The following WDFY4 variants were observed in gnomAD, a reference collection of about 807,000 sequenced individuals.
The protein encoded by WDFY4 is WDFY family member 4.
A neutral mutation model predicts 351.9 loss-of-function variants in WDFY4; 169 were observed. The observed-to-expected ratio is 0.48, with a 90% CI of 0.42 to 0.55. The LOEUF is 0.55. WDFY4 is among the 20% of genes least tolerant of loss of function. The pLI is 0.00. For synonymous variants in WDFY4, 1,622 were observed against 1,574.6 expected (o/e 1.03, Z -0.71); for missense variants, 3,803 against 3,935.6 (o/e 0.97, Z 0.90).
chr10:48,901,608 G>GTGTGTAA (rs1370241928), intron 46 of WDFY4, among the ~76,000 whole-genome samples, 193 bp from the exon 47 acceptor site: 1 of 152,242 alleles, frequency 6.6e-6, no homozygotes, highest in Non-Finnish European at 1.5e-5. Flanking sequence ...TAAGGCAATA[G>GTGTGTAA]TGTGTAATGC....
rs1840881523 is a variant in WDFY4 at position 48,943,392 on chromosome 10, C to T, written c.7692C>T (p.Cys2564=). The change falls in exon 49 of 62, where the codon TGC becomes TGT. Residue 2564 remains cysteine (C), a synonymous_variant. Coordinates refer to ENST00000325239, the MANE Select transcript of WDFY4 (RefSeq NM_001394531.1). Reference sequence around the variant, plus strand: ...TCAACACCGCGGCTGGGAGAACCTGCAATGACTACATGCAGTACCCAGTGT... The same window carrying T: ...TCAACACCGCGGCTGGGAGAACCTGTAATGACTACATGCAGTACCCAGTGT... ...MYLNTAAGRT[C]NDYMQYPVFP... The T allele has an allele frequency of 6.4e-7, 1 of 1,551,736 alleles. No homozygotes were observed. The highest frequency in any genetic ancestry group is 1.4e-5 in the African/African-American group (1 of 73,044).
At chr10:48,901,891 G>A in intron 47 of WDFY4, 28 bp downstream of exon 47, 1 of 1,544,718 alleles carries the variant, frequency 6.5e-7, no homozygotes, top group Non-Finnish European at 8.8e-7. Flanking sequence ...TGCTGTCTGG[G>A]CATGGCACTG....
At chr10:48,730,889 C>T (rs2064437203) in intron 8 of WDFY4, among the ~76,000 whole-genome samples, 2 of 152,196 alleles carry the variant, frequency 1.3e-5, no homozygotes, top group South Asian at 4.1e-4. Context: ...TGGCACATGT[C>T]AGTTCAGAGT....
At chr10:48,745,122 T>C (rs1434236691) in intron 12 of WDFY4, among the ~76,000 whole-genome samples, 1 of 152,234 alleles carries the variant, frequency 6.6e-6, no homozygotes, top group Admixed American at 6.5e-5. Context: ...CTCTGTAATT[T>C]GTAAGTTTTA....
At chr10:48,819,407 C>G (rs1432348015) in intron 32 of WDFY4, among the ~76,000 whole-genome samples, 1 of 152,232 alleles carries the variant, frequency 6.6e-6, no homozygotes, top group Non-Finnish European at 1.5e-5. Context: ...AATGCAGTCA[C>G]TACCTCCCTA....
intron 1 of WDFY4, 83 bp from the exon 2 acceptor site, chr10:48,709,629 CTGAG>C: frequency 8.6e-7 from 1 of 1,160,094 alleles, no homozygotes; most frequent in Non-Finnish European, 1.2e-6. Flanking sequence ...AGAAACTGGG[CTGAG>C]TGAGTACAGT....
At chr10:48,716,420 A>T (rs1425038029) in intron 2 of WDFY4, among the ~76,000 whole-genome samples, 1 of 152,176 alleles carries the variant, frequency 6.6e-6, no homozygotes, top group Non-Finnish European at 1.5e-5. Context: ...AGCTTAGATA[A>T]TGTTAGCAAA....
intron 28 of WDFY4, among the ~76,000 whole-genome samples, chr10:48,808,603 C>T (rs1407323221): frequency 6.6e-6 from 1 of 152,230 alleles, no homozygotes; most frequent in African/African-American, 2.4e-5. Context: ...GATCCTTGCT[C>T]AACCTGTATA....
chr10:48,962,374 G>T (rs1157896178), intron 53 of WDFY4, among the ~76,000 whole-genome samples: 4 of 152,160 alleles, frequency 2.6e-5, no homozygotes, highest in African/African-American at 9.7e-5. Flanking sequence ...GTGTAGGGCA[G>T]CTTGTCCTCC....
At chr10:48,747,520 C>T (rs1042822579) in intron 12 of WDFY4, among the ~76,000 whole-genome samples, 1 of 152,084 alleles carries the variant, frequency 6.6e-6, no homozygotes, top group Non-Finnish European at 1.5e-5. Context: ...CTTAATCTTT[C>T]TTTTACATTT....
intron 39 of WDFY4, among the ~76,000 whole-genome samples, chr10:48,852,439 T>C (rs892439884): frequency 3.9e-5 from 6 of 152,174 alleles, no homozygotes; most frequent in African/African-American, 1.4e-4. Context: ...CTGTGCCTGT[T>C]AGTTAATTGA....
chr10:48,913,304 GA>G (rs1349405393), intron 47 of WDFY4: 1 of 1,243,814 alleles, frequency 8.0e-7, no homozygotes, highest in Non-Finnish European at 1.1e-6. Context: ...AGCCACAGGG[GA>G]GCCCTTGGTT....
At position 48,735,083 on chromosome 10, in the gene WDFY4, G is replaced by A. The variant is rs182281265; in HGVS notation, c.1688-797G>A. Among the ~76,000 whole-genome samples the A allele has an allele frequency of 2.1e-3, 314 of 151,498 alleles. 4 individuals are homozygous for A. The highest frequency in any genetic ancestry group is 4.4e-3 in the South Asian group (21 of 4,806). On this transcript the variant is annotated intron_variant, in intron 10 of 61. Coordinates refer to ENST00000325239, the MANE Select transcript of WDFY4 (RefSeq NM_001394531.1). ...TAGGATTACAGGCGTGAGCCACCAC[G>A]CCTGGCCAGGAATCTACTTTTAAAC... is the stretch of plus-strand genomic sequence containing the variant.
At chr10:48,800,894 G>A (rs977215481) in intron 24 of WDFY4, among the ~76,000 whole-genome samples, 1 of 151,682 alleles carries the variant, frequency 6.6e-6, no homozygotes, top group Non-Finnish European at 1.5e-5. Flanking sequence ...CACCACATAA[G>A]GCTCATTTTT....
chr10:48,917,824 G>T (rs1233074386), intron 47 of WDFY4, among the ~76,000 whole-genome samples: 1 of 152,216 alleles, frequency 6.6e-6, no homozygotes, highest in African/African-American at 2.4e-5. Context: ...CTAAATATCT[G>T]AGTAAATGTG....
At chr10:48,689,445 CA>C (rs1417249923) in intron 1 of WDFY4, among the ~76,000 whole-genome samples, 2 of 152,048 alleles carry the variant, frequency 1.3e-5, no homozygotes, top group Non-Finnish European at 2.9e-5. Flanking sequence ...AAACTAACAA[CA>C]AAAAATTATA....
chr10:48,926,687 T>C lies in WDFY4; in HGVS notation c.7587-15119T>C, dbSNP rs780022505. 9.2e-5 allele frequency among the ~76,000 whole-genome samples: 14 copies of C among 152,232 alleles called. No homozygotes were observed. The South Asian group carries it at 1.4e-3, about 16-fold the overall frequency. ...TGTACCATATATATGTGGGTATATT[T>C]CTAAATATATACAAATAGTATGAAT... On this transcript the variant is annotated intron_variant, in intron 47 of 61. Coordinates refer to ENST00000325239, the MANE Select transcript of WDFY4 (RefSeq NM_001394531.1).
intron 47 of WDFY4, among the ~76,000 whole-genome samples, chr10:48,928,530 T>C (rs1363379832): frequency 1.3e-5 from 2 of 152,180 alleles, no homozygotes; most frequent in Non-Finnish European, 2.9e-5. Flanking sequence ...TTATGGACCG[T>C]GACCCCTGCC....
At chr10:48,913,906 A>C (rs1838250955) in intron 47 of WDFY4, 1 of 1,613,982 alleles carries the variant, frequency 6.2e-7, no homozygotes, top group South Asian at 1.1e-5. Context: ...TTGTCTATGT[A>C]GTTGCTGTGC....
Sources: gnomAD v4.1 joint callset for allele counts (sites outside exome capture counted in the v4.1 genomes callset) on GRCh38, gnomAD v4.1.1 for gene constraint, MANE v1.5 for transcripts, NCBI Gene and HGNC (gene_info 2026-07-23, HGNC 2026-07-21) for gene names.